HDAC4: variants seen among roughly 807,000 people sequenced by gnomAD.
HDAC4 encodes the protein histone deacetylase 4.
HDAC4 carries 16 observed loss-of-function variants against 135.1 expected under a neutral mutation model. That is an observed-to-expected ratio of 0.12 (90% confidence interval 0.08 to 0.18). HDAC4 has a LOEUF of 0.18. Among genes scored for constraint, HDAC4 ranks in the 10% least tolerant of loss-of-function variants. HDAC4 has a pLI of 1.00. For missense variants in HDAC4, 1,143 were observed against 1,511.8 expected (o/e 0.76, Z 4.05); for synonymous variants, 685 against 653.4 (o/e 1.05, Z -0.74).
At chr2:239,288,327 T>C (rs2051254693) in intron 2 of HDAC4, among the ~76,000 whole-genome samples, 1 of 152,200 alleles carries the variant, frequency 6.6e-6, no homozygotes, top group Non-Finnish European at 1.5e-5. Flanking sequence ...GAATCTAAAA[T>C]AACCTATGTC....
intron 9 of HDAC4, among the ~76,000 whole-genome samples, chr2:239,137,750 C>G (rs2041075640): frequency 6.6e-6 from 1 of 152,158 alleles, no homozygotes; most frequent in African/African-American, 2.4e-5. Flanking sequence ...ACAGACCCGT[C>G]CAACTCTAGA....
In HDAC4 at chr2:239,050,442, C is replaced by T. The variant is rs958626417; in HGVS notation, c.*2655G>A. 3 of 152,418 alleles carry T rather than the reference C, an allele frequency of 2.0e-5. No individual in the cohort carries two copies. The highest frequency in any genetic ancestry group is 7.2e-5 in the African/African-American group (3 of 41,470). The allele number at this position is 152,418 out of a possible 1,614,324, so 9.4% of individuals were successfully genotyped here. ...CTGCTAGCTGGGCCCTGCCACTGCTCTGTGCCATGAATGGGGAATGGACCA... is the reference window on the plus strand; with the variant it reads ...CTGCTAGCTGGGCCCTGCCACTGCTTTGTGCCATGAATGGGGAATGGACCA... On this transcript the variant is annotated 3_prime_UTR_variant, in exon 27 of 27. Transcript: ENST00000543185.
chr2:239,131,350 AC>A (rs78952605), intron 11 of HDAC4, among the ~76,000 whole-genome samples: 13,467 of 152,258 alleles, frequency 0.088, 716 homozygotes, highest in South Asian at 0.16. Context: ...CACCACGATT[AC>A]CAGCGATAAG....
intron 17 of HDAC4, chr2:239,094,340 A>ATGCCCTTCC: frequency 1.0e-6 from 1 of 985,434 alleles, no homozygotes; most frequent in African/African-American, 1.7e-5. Flanking sequence ...TCCTGTGTGG[A>ATGCCCTTCC]CGGATGGGCA....
intron 7 of HDAC4, among the ~76,000 whole-genome samples, chr2:239,151,245 C>A (rs566263054): frequency 6.6e-6 from 1 of 152,346 alleles, no homozygotes; most frequent in African/African-American, 2.4e-5. Flanking sequence ...AGCTGTGGGA[C>A]TTGACTAATG....
intron 1 of HDAC4, among the ~76,000 whole-genome samples, chr2:239,379,103 C>G (rs1381409062): frequency 6.6e-6 from 1 of 152,166 alleles, no homozygotes; most frequent in Non-Finnish European, 1.5e-5. Context: ...CTAAGTAATT[C>G]AGAAGTGACA....
At chr2:239,339,680 T>C (rs1273600178) in intron 2 of HDAC4, among the ~76,000 whole-genome samples, 2 of 152,208 alleles carry the variant, frequency 1.3e-5, no homozygotes, top group East Asian at 1.9e-4. Flanking sequence ...TGCAATCTCC[T>C]GGCTAAGGCA....
chr2:239,353,386 G>A (rs1183435837), intron 1 of HDAC4, among the ~76,000 whole-genome samples: 2 of 152,152 alleles, frequency 1.3e-5, no homozygotes, highest in African/African-American at 4.8e-5. Flanking sequence ...CTACAAATAC[G>A]AGCAGTGGGA....
In HDAC4 at chr2:239,349,187, C is replaced by T. The variant is rs899674472; in HGVS notation, c.22+3491G>A. On this transcript the variant is annotated intron_variant, in intron 2 of 26. Coordinates refer to ENST00000543185, the MANE Select transcript of HDAC4 (RefSeq NM_001378414.1). This position sits in a 1 kb window ranked among gnomAD's most constrained non-coding sequence, Gnocchi z 5.7. ...GTGAGCCAGGCAGGCAAGAGTGAGC[C>T]GGGTGGGCAGGGCGAAGGACAGGGC... 6.6e-6 allele frequency among the ~76,000 whole-genome samples: 1 copy of T among 152,100 alleles called. No homozygotes were observed. Among genetic ancestry groups the T allele is most frequent in the African/African-American group, 2.4e-5 (1 of 41,412 alleles).
chr2:239,095,388 G>A (rs1002317901), intron 16 of HDAC4, among the ~76,000 whole-genome samples: 1 of 152,170 alleles, frequency 6.6e-6, no homozygotes, highest in Non-Finnish European at 1.5e-5. Flanking sequence ...CCTGCAGCCC[G>A]TGCCCCTGAG....
At chr2:239,229,221 AC>A (rs1179731904) in intron 3 of HDAC4, among the ~76,000 whole-genome samples, 3 of 152,120 alleles carry the variant, frequency 2.0e-5, no homozygotes, top group African/African-American at 7.2e-5. Flanking sequence ...GCCAAAAGTG[AC>A]TCTTAAAGCA....
At chr2:239,210,686 G>A (rs751045872) in intron 3 of HDAC4, among the ~76,000 whole-genome samples, 5 of 152,164 alleles carry the variant, frequency 3.3e-5, no homozygotes, top group Non-Finnish European at 5.9e-5. Flanking sequence ...TCATAATAAA[G>A]GAGGAAACGC....
chr2:239,142,608 C>T (rs904753775), intron 8 of HDAC4, among the ~76,000 whole-genome samples: 38 of 146,758 alleles, frequency 2.6e-4, no homozygotes, highest in African/African-American at 9.9e-4. Flanking sequence ...GCACTGATCA[C>T]GCCCTGCCAC....
intron 3 of HDAC4, among the ~76,000 whole-genome samples, chr2:239,221,597 C>T (rs567917202): frequency 1.3e-5 from 2 of 150,046 alleles, no homozygotes; most frequent in African/African-American, 2.5e-5. Context: ...CCTCAAAGTG[C>T]GCTGAGAGTG....
chr2:239,089,119 T>G (rs1049640831), intron 18 of HDAC4, among the ~76,000 whole-genome samples: 1 of 152,148 alleles, frequency 6.6e-6, no homozygotes, highest in African/African-American at 2.4e-5. Context: ...TTGCTGAATT[T>G]TTGGTATACT....
At chr2:239,276,626 TTGCCTGCTGCCTGGACAC>T (rs2050381538) in intron 2 of HDAC4, among the ~76,000 whole-genome samples, 1 of 152,024 alleles carries the variant, frequency 6.6e-6, no homozygotes, top group South Asian at 2.1e-4. Context: ...TTCCTGGACA[TTGCCTGCTGCCTGGACAC>T]TGCCCGCTGC....
chr2:239,273,163 T>C (rs1325204213), intron 2 of HDAC4, among the ~76,000 whole-genome samples: 2 of 152,154 alleles, frequency 1.3e-5, no homozygotes, highest in Admixed American at 1.3e-4. Flanking sequence ...TGACAAGGTG[T>C]CTTGTCACAG....
chr2:239,198,525 A>G (rs1260203613), intron 3 of HDAC4, among the ~76,000 whole-genome samples: 3 of 152,118 alleles, frequency 2.0e-5, no homozygotes, highest in African/African-American at 7.2e-5. Flanking sequence ...TGCAGTACCC[A>G]CATCCTCAGC....
At chr2:239,230,765 G>A (rs957652314) in intron 3 of HDAC4, among the ~76,000 whole-genome samples, 38 of 152,192 alleles carry the variant, frequency 2.5e-4, no homozygotes, top group African/African-American at 8.4e-4. Context: ...GTGTATGAAG[G>A]TAATTAACAG....
Sources: gnomAD v4.1 joint callset for allele counts (sites outside exome capture counted in the v4.1 genomes callset) on GRCh38, gnomAD v4.1.1 for gene constraint, Gnocchi (gnomAD v3.1) non-coding constraint, MANE v1.5 for transcripts, NCBI Gene and HGNC (gene_info 2026-07-23, HGNC 2026-07-21) for gene names.